Variants in GANC observed in about 807,000 individuals in gnomAD.
GANC encodes glucosidase alpha, neutral C.
A neutral mutation model predicts 124.2 loss-of-function variants in GANC; 117 were observed. The observed-to-expected ratio is 0.94, with a 90% confidence interval of 0.81 to 1.10. The LOEUF is 1.10. Ranked by LOEUF, GANC falls within the 50% of genes least tolerant of loss-of-function variation. The pLI, the probability that GANC is intolerant of heterozygous loss-of-function variation, is 0.00. For synonymous variants in GANC, 377 were observed against 376.8 expected (o/e 1.00, Z -0.01); for missense variants, 1,140 against 1,095.0 (o/e 1.04, Z -0.58).
In GANC at chr15:42,339,653, C is replaced by G. The variant is rs1322278692; in HGVS notation, c.1844-16C>G. Reference sequence around the variant, plus strand: ...CCAAAGCTTGGTTGCCTCACTTGGCCTTCTTTTGCTTCCAGCTGACATAGG... The same window carrying G: ...CCAAAGCTTGGTTGCCTCACTTGGCGTTCTTTTGCTTCCAGCTGACATAGG... On this transcript the variant is annotated splice_polypyrimidine_tract_variant and intron_variant, in intron 16 of 23. Coordinates refer to ENST00000318010, the MANE Select transcript of GANC (RefSeq NM_198141.3). 6.2e-7 allele frequency: 1 copy of G among 1,608,024 alleles called. No individual in the cohort carries two copies.
chr15:42,300,311 C>A (rs1256146371), intron 6 of GANC, among the ~76,000 whole-genome samples: 2 of 152,162 alleles, frequency 1.3e-5, no homozygotes, highest in Admixed American at 6.5e-5. Context: ...ACAGACACTT[C>A]TCAAAAGAAG....
chr15:42,292,780 T>A lies in GANC; in HGVS notation c.375T>A (p.Asp125Glu), dbSNP rs1220788071. 8 of 1,614,022 alleles carry A rather than the reference T, an allele frequency of 5.0e-6. No homozygotes were observed. Among genetic ancestry groups the A allele is most frequent in the Non-Finnish European group, 5.1e-6 (6 of 1,179,992 alleles). The change falls in exon 5 of 24, where the codon GAT (aspartate) becomes GAA (glutamate). Residue 125 changes from aspartate to glutamate, a missense_variant. By Grantham distance (45) the Asp-to-Glu change is conservative. Transcript: ENST00000318010. ...SGDTGSLILA[D>E]GKGDLKCHIT... is the part of the protein sequence containing the mutation. ...ACACAGGCAGTCTGATATTGGCAGA[T>A]GGAAAAGGAGACCTGAAGTGCCATA...
At chr15:42,318,420 C>T (rs1019390443) in intron 10 of GANC, among the ~76,000 whole-genome samples, 6 of 152,188 alleles carry the variant, frequency 3.9e-5, no homozygotes, top group Non-Finnish European at 1.5e-5. Flanking sequence ...AATTTGAAGG[C>T]ATTTCTTTTA....
At chr15:42,350,213 AC>A (rs1403648440) in intron 22 of GANC, among the ~76,000 whole-genome samples, 1 of 150,688 alleles carries the variant, frequency 6.6e-6, no homozygotes, top group Non-Finnish European at 1.5e-5. Flanking sequence ...TATTTTTAGT[AC>A]AGACAGGGTT....
chr15:42,286,500 T>C (rs558016179), intron 3 of GANC, among the ~76,000 whole-genome samples: 1 of 152,362 alleles, frequency 6.6e-6, no homozygotes, highest in African/African-American at 2.4e-5. Flanking sequence ...AAAATTTTGA[T>C]TGTACGCTAA....
chr15:42,343,122 A>G lies in GANC; in HGVS notation c.2197A>G (p.Thr733Ala), dbSNP rs1417867847. Residue 733 changes from threonine to alanine, a missense_variant, in exon 19 of 24, where the codon ACA (threonine) becomes GCA (alanine). Thr to Ala is a moderately conservative substitution (Grantham distance 58). Coordinates refer to ENST00000318010, the MANE Select transcript of GANC (RefSeq NM_198141.3). ...VHPVTEPKATTVDVFLPGSNE... is the reference protein window; with the variant it reads ...VHPVTEPKATAVDVFLPGSNE... Reference sequence around the variant, plus strand: ...TCCAGTCACAGAACCAAAAGCCACCACAGTTGATGTGTTTCTTCCAGGATC... The same window carrying G: ...TCCAGTCACAGAACCAAAAGCCACCGCAGTTGATGTGTTTCTTCCAGGATC... 4 of 1,614,118 alleles carry G rather than the reference A, an allele frequency of 2.5e-6. No homozygotes were observed. The highest frequency in any genetic ancestry group is 3.3e-4 in the Middle Eastern group (2 of 6,062).
intron 11 of GANC, among the ~76,000 whole-genome samples, chr15:42,325,570 T>C (rs1273361968): frequency 6.6e-6 from 1 of 152,210 alleles, no homozygotes; most frequent in Non-Finnish European, 1.5e-5. Context: ...TTCTTTAATG[T>C]TTGCTTATAT....
rs1421200996 is a variant in GANC at position 42,273,204 on chromosome 15, G to A, written c.-1278G>A. 19 of 1,607,010 alleles carry A rather than the reference G, an allele frequency of 1.2e-5. No individual in the cohort carries two copies. In the East Asian group the frequency reaches 3.4e-4, roughly 28 times the overall value. ...TTCATGGACCCCTTGGGCCGCCGTA[G>A]CCCCACCCCTTGCTCCTCTAGGTTC... On this transcript the variant is annotated 5_prime_UTR_variant, in exon 1 of 24. Transcript: ENST00000318010.
rs1160399026 is a variant in GANC, at chr15:42,338,457, ACT to A, written c.1814_1815del (p.Leu605GlnfsTer11). 25 of 1,613,820 alleles carry A rather than the reference ACT, an allele frequency of 1.5e-5. No homozygotes were observed. The highest frequency in any genetic ancestry group is 1.9e-5 in the Non-Finnish European group (23 of 1,179,888). ...NLKISIPMLL[T>X]LSITGISFCG... is the part of the protein sequence containing the mutation. ...GAAAATTTCTATCCCAATGTTACTC[ACT>A]CTCAGCATTACTGGGATCTCTTTTT... On this transcript the variant is annotated frameshift_variant, in exon 16 of 24. Coordinates refer to ENST00000318010, the MANE Select transcript of GANC (RefSeq NM_198141.3). LOFTEE classifies it high-confidence loss of function.
chr15:42,282,483 T>C (rs778962209), intron 3 of GANC, among the ~76,000 whole-genome samples: 5 of 152,206 alleles, frequency 3.3e-5, no homozygotes, highest in Admixed American at 1.3e-4. Flanking sequence ...AGCTTTTTAT[T>C]TCAGGTCAAG....
chr15:42,280,686 T>G (rs978254820), intron 3 of GANC, among the ~76,000 whole-genome samples: 3 of 152,150 alleles, frequency 2.0e-5, no homozygotes, highest in African/African-American at 7.2e-5. Context: ...AGAGCAAGAA[T>G]CCCTATCCAT....
At chr15:42,349,332 C>T in intron 21 of GANC, 51 bp from the exon 22 acceptor site, 1 of 1,127,640 alleles carries the variant, frequency 8.9e-7, no homozygotes, top group Non-Finnish European at 1.3e-6. Context: ...ACATTCTTTT[C>T]CTGTAAAGCT....
chr15:42,283,740 C>T (rs1160696739), intron 3 of GANC: 3 of 702,548 alleles, frequency 4.3e-6, no homozygotes, highest in Admixed American at 2.0e-5. Context: ...GAAGCTTTGC[C>T]CAACCAGCCA....
At chr15:42,327,573 A>G (rs1165519786) in intron 13 of GANC, 131 bp downstream of exon 13, 3 of 729,890 alleles carry the variant, frequency 4.1e-6, no homozygotes, top group Admixed American at 2.4e-5. Flanking sequence ...AAAGGCAAGT[A>G]TGGCCACCAC....
At chr15:42,346,450 A>G (rs889582775) in intron 20 of GANC, among the ~76,000 whole-genome samples, 4 of 152,162 alleles carry the variant, frequency 2.6e-5, no homozygotes, top group Non-Finnish European at 5.9e-5. Context: ...TGATGGTTGC[A>G]TGACTCTGAA....
At position 42,320,114 on chromosome 15, in the gene GANC, C is replaced by T. The variant is rs192873795; in HGVS notation, c.1058-1671C>T. ...CAGGAAAATCGCTTGAACCCAGAGG[C>T]GGAGGTTGCAGTGAGCTGAGATCGT... is the stretch of plus-strand genomic sequence containing the variant. On this transcript the variant is annotated intron_variant, in intron 10 of 23. Transcript: ENST00000318010. 2.3e-4 allele frequency among the ~76,000 whole-genome samples: 35 copies of T among 152,206 alleles called. No individual in the cohort carries two copies. The East Asian group carries it at 5.4e-3, about 24-fold the overall frequency.
chr15:42,273,706 G>A lies in GANC; in HGVS notation c.-776G>A. ...GGTTTTAGGACCAGGCAGGCACCCC[G>A]TGCAGGATTTGGCTCTCTACTTCCG... On this transcript the variant is annotated 5_prime_UTR_variant, in exon 1 of 24. In the 5' UTR this introduces an upstream ATG that the reference lacks. Transcript: ENST00000318010. 2.7e-6 allele frequency: 1 copy of A among 368,414 alleles called. No homozygotes were observed. The highest frequency in any genetic ancestry group is 3.2e-5 in the South Asian group (1 of 30,874). The allele number at this position is 368,414 out of a possible 1,614,324, so 22.8% of individuals were successfully genotyped here.
intron 3 of GANC, among the ~76,000 whole-genome samples, chr15:42,282,385 G>A (rs1389767196): frequency 6.6e-6 from 1 of 152,174 alleles, no homozygotes; most frequent in Non-Finnish European, 1.5e-5. Context: ...TAAGATGGGT[G>A]TTTCAAGGAG....
intron 11 of GANC, among the ~76,000 whole-genome samples, chr15:42,324,604 A>G (rs1268097455): frequency 6.6e-6 from 1 of 152,208 alleles, no homozygotes; most frequent in Non-Finnish European, 1.5e-5. Context: ...ACAACAGAAT[A>G]TTATTCAGCC....
Sources: allele counts gnomAD v4.1 joint callset (sites outside exome capture counted in the v4.1 genomes callset), GRCh38; gene constraint gnomAD v4.1.1; transcripts MANE v1.5; gene names NCBI Gene and HGNC (gene_info 2026-07-23, HGNC 2026-07-21).